The following NRG3 variants were observed in gnomAD, a reference collection of about 807,000 sequenced individuals.
NRG3 encodes neuregulin 3, also known as pro-neuregulin-3, membrane-bound isoform.
In NRG3, 31 loss-of-function variants were observed where a neutral mutation model predicts 66.9. That is an observed-to-expected ratio of 0.46 (90% confidence interval 0.35 to 0.63). The LOEUF (loss-of-function observed/expected upper bound fraction) is 0.63, where lower values mean the gene tolerates loss of function less well. Among genes scored for constraint, NRG3 ranks in the 20% least tolerant of loss-of-function variants. NRG3 has a pLI of 0.00. For synonymous variants in NRG3, 393 were observed against 359.4 expected, an observed-to-expected ratio of 1.09 and a Z score of -1.06; for missense variants, 910 against 878.9, an observed-to-expected ratio of 1.04 and a Z score of -0.45.
chr10:82,836,342 G>T lies in NRG3; in HGVS notation c.1028-29069G>T, dbSNP rs1189369117. Reference sequence around the variant, plus strand: ...AGGACATAAGGAAAGAATAGCAACTGATAGTTTACAGATGTCTTCATGGGA... The same window carrying T: ...AGGACATAAGGAAAGAATAGCAACTTATAGTTTACAGATGTCTTCATGGGA... On this transcript the variant is annotated intron_variant, in intron 3 of 8. Transcript: ENST00000372141. 2.0e-5 allele frequency among the ~76,000 whole-genome samples: 3 copies of T among 152,150 alleles called. No homozygotes were observed. In the East Asian group the frequency reaches 5.8e-4, roughly 29 times the overall value.
intron 1 of NRG3, among the ~76,000 whole-genome samples, chr10:82,319,829 G>C (rs980261152): frequency 2.0e-5 from 3 of 152,186 alleles, no homozygotes; most frequent in Non-Finnish European, 4.4e-5. Flanking sequence ...CAATCCGGTT[G>C]GGGACAGATG....
At chr10:82,055,134 T>A (rs1362699208) in intron 1 of NRG3, among the ~76,000 whole-genome samples, 2 of 151,996 alleles carry the variant, frequency 1.3e-5, no homozygotes, top group Non-Finnish European at 2.9e-5. Flanking sequence ...CAGCTGCTGC[T>A]GACAGGTCAA....
chr10:82,097,353 T>G (rs190660734), intron 1 of NRG3, among the ~76,000 whole-genome samples: 37 of 146,066 alleles, frequency 2.5e-4, no homozygotes, highest in Non-Finnish European at 3.7e-4. Flanking sequence ...TATGTTATTT[T>G]CAGTTTCCAG....
intron 1 of NRG3, among the ~76,000 whole-genome samples, chr10:81,934,425 A>AT (rs1847671261): frequency 6.6e-6 from 1 of 152,188 alleles, no homozygotes. Flanking sequence ...CTCCTTAAGC[A>AT]TCGGACACTC....
At chr10:82,903,521 C>T (rs1358666679) in intron 4 of NRG3, among the ~76,000 whole-genome samples, 2 of 152,016 alleles carry the variant, frequency 1.3e-5, no homozygotes, top group African/African-American at 2.4e-5. Flanking sequence ...TGATATATAC[C>T]GTGGATTGAG....
intron 2 of NRG3, among the ~76,000 whole-genome samples, chr10:82,633,448 C>T (rs1418985772): frequency 6.6e-6 from 1 of 152,060 alleles, no homozygotes; most frequent in Non-Finnish European, 1.5e-5. Context: ...AGAACTCAAT[C>T]CAAAACTCAT....
intron 2 of NRG3, among the ~76,000 whole-genome samples, chr10:82,531,633 C>T (rs1033343575): frequency 4.0e-5 from 6 of 151,826 alleles, no homozygotes; most frequent in African/African-American, 1.2e-4. Flanking sequence ...CATTAAATCA[C>T]GTGTTCACTC....
intron 4 of NRG3, among the ~76,000 whole-genome samples, chr10:82,910,066 T>G (rs929364361): frequency 6.6e-6 from 1 of 152,200 alleles, no homozygotes; most frequent in Non-Finnish European, 1.5e-5. Context: ...GGTAAACATA[T>G]GACAATCATA....
At chr10:82,778,666 A>T (rs1684104331) in intron 3 of NRG3, among the ~76,000 whole-genome samples, 1 of 152,086 alleles carries the variant, frequency 6.6e-6, no homozygotes, top group Admixed American at 6.5e-5. Flanking sequence ...TTAGGTACTG[A>T]GGGGCTGTGG....
At chr10:82,026,048 C>T (rs925590073) in intron 1 of NRG3, among the ~76,000 whole-genome samples, 1 of 151,968 alleles carries the variant, frequency 6.6e-6, no homozygotes, top group Non-Finnish European at 1.5e-5. Flanking sequence ...TAATCAAGCC[C>T]TTATAAGAGG....
At chr10:82,378,155 T>C (rs1768745905) in intron 2 of NRG3, among the ~76,000 whole-genome samples, 1 of 152,180 alleles carries the variant, frequency 6.6e-6, no homozygotes, top group African/African-American at 2.4e-5. Context: ...GGGGAGAGAA[T>C]GAATTGGAGG....
chr10:82,415,994 A>G (rs2088537577), intron 2 of NRG3, among the ~76,000 whole-genome samples: 1 of 152,214 alleles, frequency 6.6e-6, no homozygotes, highest in African/African-American at 2.4e-5. Context: ...AATGATGAAC[A>G]TATTACCTCT....
chr10:82,390,905 C>T (rs145016983), intron 2 of NRG3, among the ~76,000 whole-genome samples: 120 of 152,192 alleles, frequency 7.9e-4, no homozygotes, highest in African/African-American at 2.6e-3. Flanking sequence ...GTGGCCTGGG[C>T]TGTGGAATTC....
chr10:82,225,951 C>T (rs998399610), intron 1 of NRG3, among the ~76,000 whole-genome samples: 6 of 152,068 alleles, frequency 3.9e-5, no homozygotes, highest in East Asian at 1.9e-4. Flanking sequence ...GTTTCTTCTA[C>T]GTTATTAATT....
intron 2 of NRG3, among the ~76,000 whole-genome samples, chr10:82,534,259 T>C (rs1847591981): frequency 6.6e-6 from 1 of 150,614 alleles, no homozygotes; most frequent in Admixed American, 6.6e-5. Context: ...AATAGAAAAA[T>C]CCATTTTGTT....
At chr10:82,163,900 A>G (rs2071810004) in intron 1 of NRG3, among the ~76,000 whole-genome samples, 1 of 151,172 alleles carries the variant, frequency 6.6e-6, no homozygotes, top group African/African-American at 2.4e-5. Flanking sequence ...TAGGGTCTAT[A>G]GGTTTTTGTT....
intron 2 of NRG3, among the ~76,000 whole-genome samples, chr10:82,663,740 G>T (rs2052549319): frequency 6.6e-6 from 1 of 152,212 alleles, no homozygotes; most frequent in South Asian, 2.1e-4. Flanking sequence ...ACAAACACTA[G>T]AAATATCAGG....
At chr10:82,560,877 A>C (rs972262717) in intron 2 of NRG3, among the ~76,000 whole-genome samples, 1 of 151,994 alleles carries the variant, frequency 6.6e-6, no homozygotes, top group Admixed American at 6.5e-5. Context: ...TTTTTCTGTT[A>C]GTTTTTCAAT....
chr10:82,155,090 T>C (rs1210247864), intron 1 of NRG3, among the ~76,000 whole-genome samples: 3 of 151,772 alleles, frequency 2.0e-5, no homozygotes, highest in African/African-American at 7.2e-5. Flanking sequence ...AAGATAAATT[T>C]AGTGAAACAG....
Sources: allele counts gnomAD v4.1 joint callset (sites outside exome capture counted in the v4.1 genomes callset), GRCh38; gene constraint gnomAD v4.1.1; transcripts MANE v1.5; gene names NCBI Gene and HGNC (gene_info 2026-07-23, HGNC 2026-07-21).